Variants in JADE3 observed in about 807,000 individuals in gnomAD.
JADE3 encodes the protein jade family PHD finger 3, also known as protein Jade-3.
Under a neutral mutation model 50.1 loss-of-function variants are expected in JADE3, and 2 were observed. The ratio of observed to expected loss-of-function variants is 0.04; its 90% CI spans 0.02 to 0.13. The LOEUF is 0.13. JADE3 is among the 10% of genes least tolerant of loss of function. The probability of loss-of-function intolerance (pLI) is 1.00; values close to 1 mark genes in which losing one functional copy is unlikely to be tolerated. For missense variants in JADE3, 475 were observed against 634.4 expected (o/e 0.75, Z 2.70); for synonymous variants, 218 against 232.9 (o/e 0.94, Z 0.58).
At chrX:47,012,492 G>T (rs1187921901) in intron 4 of JADE3, among the ~76,000 whole-genome samples, 1 of 110,840 alleles carries the variant, frequency 9.0e-6, no homozygotes, top group Non-Finnish European at 1.9e-5. Context: ...TACGTGGAAG[G>T]ATTGCTTGAG....
At chrX:46,961,203 A>G (rs1029262579) in intron 1 of JADE3, among the ~76,000 whole-genome samples, 1 of 111,924 alleles carries the variant, frequency 8.9e-6, no homozygotes, top group East Asian at 2.8e-4. Context: ...CCTTCATCAG[A>G]TCTTTATTGA....
At chrX:46,913,295 C>T (rs1556335549) in intron 1 of JADE3, among the ~76,000 whole-genome samples, 1 of 110,247 alleles carries the variant, frequency 9.1e-6, no homozygotes, top group African/African-American at 3.3e-5. Flanking sequence ...CGGCGAGGCA[C>T]CCCGGGAAGC....
intron 1 of JADE3, among the ~76,000 whole-genome samples, chrX:46,956,699 T>TCCTTC (rs1556346422): frequency 9.1e-6 from 1 of 109,461 alleles, no homozygotes; most frequent in Non-Finnish European, 1.9e-5. Context: ...GCTACTTTCT[T>TCCTTC]CCTTCCCTTC....
intron 5 of JADE3, among the ~76,000 whole-genome samples, 168 bp from the exon 6 acceptor site, chrX:47,027,724 G>A (rs782547340): frequency 2.7e-5 from 3 of 112,082 alleles, no homozygotes; most frequent in Non-Finnish European, 3.8e-5. Context: ...ATAGGTAAAT[G>A]TTAGAGTAGC....
At chrX:47,040,803 G>C (rs915860495) in intron 8 of JADE3, among the ~76,000 whole-genome samples, 1 of 110,869 alleles carries the variant, frequency 9.0e-6, no homozygotes. Context: ...CAGGCTTATC[G>C]TGTAGATTTC....
At chrX:46,916,015 T>C (rs1926077011) in intron 1 of JADE3, among the ~76,000 whole-genome samples, 1 of 111,875 alleles carries the variant, frequency 8.9e-6, no homozygotes, top group Non-Finnish European at 1.9e-5. Context: ...TGGTATTGGC[T>C]GATGGGCAAG....
intron 4 of JADE3, among the ~76,000 whole-genome samples, chrX:47,004,413 C>T (rs1556359880): frequency 8.9e-6 from 1 of 111,737 alleles, no homozygotes; most frequent in Non-Finnish European, 1.9e-5. Context: ...TGGGGATTTG[C>T]TTAAGTATAA....
intron 8 of JADE3, among the ~76,000 whole-genome samples, chrX:47,050,268 C>T (rs2038530594): frequency 8.9e-6 from 1 of 111,829 alleles, no homozygotes; most frequent in Non-Finnish European, 1.9e-5. Context: ...TTTTTATTAA[C>T]ACATTGTAGT....
Position 47,033,805 on chromosome X carries a change from G to A in JADE3, c.855+17G>A, listed in dbSNP as rs1556367282. On this transcript the variant is annotated intron_variant, in intron 7 of 10. Coordinates refer to ENST00000614628, the MANE Select transcript of JADE3 (RefSeq NM_014735.5). ...ATCCCAGAGGTAAGAATTCATCCAG[G>A]CCCGTGAGACCATTTGCTCCAGGGT... The A allele has an allele frequency of 8.8e-7, 1 of 1,140,970 alleles. No homozygotes were observed. Among genetic ancestry groups the A allele is most frequent in the East Asian group, 3.2e-5 (1 of 30,780 alleles). The allele number at this position is 1,140,970 out of a possible 1,213,427, so 94.0% of individuals were successfully genotyped here.
intron 1 of JADE3, among the ~76,000 whole-genome samples, chrX:46,976,277 A>G (rs1270649042): frequency 4.5e-5 from 5 of 111,544 alleles, no homozygotes; most frequent in Admixed American, 3.8e-4. Flanking sequence ...GGGAATATTA[A>G]TGGGGAGTCA....
At chrX:47,016,484 G>A (rs1928680216) in intron 4 of JADE3, among the ~76,000 whole-genome samples, 1 of 111,439 alleles carries the variant, frequency 9.0e-6, no homozygotes, top group African/African-American at 3.3e-5. Flanking sequence ...AATGTTTTAA[G>A]AGGTAAGAAG....
Position 46,918,293 on chromosome X carries a change from A to G in JADE3, c.-12+5574A>G, listed in dbSNP as rs782252164. 3.6e-5 allele frequency among the ~76,000 whole-genome samples: 4 copies of G among 112,302 alleles called. No individual in the cohort carries two copies. In the South Asian group the frequency reaches 1.5e-3, roughly 41 times the overall value. ...AGTGTTAGAAATGGAACTATCGAGTATAAGACTTTGGTTTAAATATATCAT... is the reference window on the plus strand; with the variant it reads ...AGTGTTAGAAATGGAACTATCGAGTGTAAGACTTTGGTTTAAATATATCAT... On this transcript the variant is annotated intron_variant, in intron 1 of 10. Coordinates refer to ENST00000614628, the MANE Select transcript of JADE3 (RefSeq NM_014735.5).
chrX:46,954,513 T>C (rs2147117570), intron 1 of JADE3, among the ~76,000 whole-genome samples: 1 of 112,078 alleles, frequency 8.9e-6, no homozygotes, highest in African/African-American at 3.2e-5. Flanking sequence ...GCAGCATGCT[T>C]TCAGTATTTT....
At chrX:46,956,256 G>T in intron 1 of JADE3, among the ~76,000 whole-genome samples, 1 of 111,488 alleles carries the variant, frequency 9.0e-6, no homozygotes, top group Non-Finnish European at 1.9e-5. Context: ...GTAGACAAGG[G>T]GTTTCACCAT....
intron 1 of JADE3, among the ~76,000 whole-genome samples, chrX:46,938,703 T>G (rs1556341680): frequency 8.9e-6 from 1 of 112,629 alleles, no homozygotes; most frequent in East Asian, 2.8e-4. Context: ...TAGCAGTTCG[T>G]TTAGAGTAGG....
intron 1 of JADE3, among the ~76,000 whole-genome samples, chrX:46,942,512 G>A (rs1452665100): frequency 4.5e-5 from 5 of 111,537 alleles, no homozygotes; most frequent in Non-Finnish European, 9.4e-5. Context: ...TCAGATAGTT[G>A]TAGGTGTGTG....
In JADE3 at chrX:47,045,069, A is replaced by G. The variant is rs137950794; in HGVS notation, c.972+6004A>G. ...CCAGAAAACAAATAAAATGGCAGGA[A>G]TAAGTCCTTACTTATCAATAACATT... On this transcript the variant is annotated intron_variant, in intron 8 of 10. Transcript: ENST00000614628. Among the ~76,000 whole-genome samples, 676 of 111,793 alleles carry G rather than the reference A, an allele frequency of 6.0e-3. 5 individuals carry two copies. Among genetic ancestry groups the G allele is most frequent in the Non-Finnish European group, 0.011 (580 of 53,033 alleles).
At chrX:47,009,424 C>T (rs1738926339) in intron 4 of JADE3, among the ~76,000 whole-genome samples, 1 of 110,961 alleles carries the variant, frequency 9.0e-6, no homozygotes, top group African/African-American at 3.3e-5. Flanking sequence ...TACCTAAGGG[C>T]AGAACCCCTA....
chrX:47,025,980 C>T (rs1408154833), intron 5 of JADE3, among the ~76,000 whole-genome samples: 4 of 111,691 alleles, frequency 3.6e-5, no homozygotes, highest in South Asian at 3.8e-4. Context: ...GATAGTTACT[C>T]TGCCAGTAAC....
Sources: allele counts gnomAD v4.1 joint callset (sites outside exome capture counted in the v4.1 genomes callset), GRCh38; gene constraint gnomAD v4.1.1; transcripts MANE v1.5; gene names NCBI Gene and HGNC (gene_info 2026-07-23, HGNC 2026-07-21).